ACP5: variants seen among roughly 807,000 people sequenced by gnomAD.
ACP5 encodes tartrate-resistant acid phosphatase type 5.
In ACP5, 24 loss-of-function variants were observed where a neutral mutation model predicts 28.7. The ratio of observed to expected loss-of-function variants is 0.84; its 90% confidence interval spans 0.61 to 1.18. The LOEUF is 1.18. Ranked by LOEUF, ACP5 falls within the 50% of genes most tolerant of loss-of-function variation. The pLI, the probability that ACP5 is intolerant of heterozygous loss-of-function variation, is 0.00. For synonymous variants in ACP5, 154 were observed against 181.4 expected (o/e 0.85, Z 1.21); for missense variants, 354 against 422.2 (o/e 0.84, Z 1.42).
chr19:11,576,917 A>G (rs558569018), intron 2 of ACP5, 74 bp from the exon 3 acceptor site: 107 of 1,612,234 alleles, frequency 6.6e-5, no homozygotes, highest in Non-Finnish European at 8.7e-5. Context: ...AAGTCAGGAT[A>G]AGGGAGACAC....
chr19:11,577,736 G>T, upstream of ACP5: 1 of 295,790 alleles, frequency 3.4e-6, no homozygotes, highest in South Asian at 3.3e-5. This position sits in a 1 kb window ranked among gnomAD's most constrained non-coding sequence, Gnocchi z 5.7. Flanking sequence ...GGGCTGTCCC[G>T]GGAGCCCTCC....
chr19:11,576,857 A>T lies in ACP5; in HGVS notation c.262-14T>A. 6.2e-7 allele frequency: 1 copy of T among 1,613,964 alleles called. No individual in the cohort carries two copies. Among genetic ancestry groups the T allele is most frequent in the Non-Finnish European group, 8.5e-7 (1 of 1,179,964 alleles). On this transcript the variant is annotated splice_polypyrimidine_tract_variant and intron_variant, in intron 2 of 4. Transcript: ENST00000648477. ...CTCAAAGGTCTCCTGTAGCAAACAG[A>T]TAGGGCAGGCCTCTTCCCTGGGGTC...
Position 11,577,115 on chromosome 19 carries a change from G to A in ACP5, c.203C>T (p.Ser68Phe). The change falls in exon 2 of 5, where the codon TCT becomes TTT. Residue 68 changes from serine to phenylalanine, a missense_variant. Physicochemically the swap from Ser to Phe is radical, Grantham distance 155 (BLOSUM62 -2). Coordinates refer to ENST00000648477, the MANE Select transcript of ACP5 (RefSeq NM_001611.5). The surrounding 1 kb of genome is among the most constrained non-coding windows in gnomAD (Gnocchi z 5.7). The stretch of plus-strand genomic sequence containing the variant: ...AGTGAAGTAAAAATTGTCCCCTAGA[G>A]ACAGGATGAAGTCTGCACCCAGGAT... ...VQILGADFILSLGDNFYFTGV... is the reference protein window; with the variant it reads ...VQILGADFILFLGDNFYFTGV... 1 of 1,614,154 alleles carries A rather than the reference G, an allele frequency of 6.2e-7. No homozygotes were observed. The highest frequency in any genetic ancestry group is 8.5e-7 in the Non-Finnish European group (1 of 1,180,028).
chr19:11,576,613 G>C (rs765472713), intron 3 of ACP5, 25 bp from the exon 4 acceptor site: 3 of 1,613,678 alleles, frequency 1.9e-6, no homozygotes, highest in Non-Finnish European at 2.5e-6. Context: ...GAGGTCGTGG[G>C]TGCACATCTT....
At position 11,577,630 on chromosome 19, in the gene ACP5, G is replaced by GGT. The variant is rs1973223880; in HGVS notation, c.-39_-38insAC. The GGT allele has an allele frequency of 4.0e-6, 2 of 502,388 alleles. No individual in the cohort carries two copies. The highest frequency in any genetic ancestry group is 1.9e-5 in the African/African-American group (1 of 51,838). The allele number at this position is 502,388 out of a possible 1,614,324, so 31.1% of individuals were successfully genotyped here. ...ACAGGCCAGTCACCGGAGGCTCTGA[G>GGT]AGGCTGGTGGGCTCTAGAGTAGAAC... On this transcript the variant is annotated 5_prime_UTR_variant, in exon 1 of 5. Coordinates refer to ENST00000648477, the MANE Select transcript of ACP5 (RefSeq NM_001611.5). This position sits in a 1 kb window ranked among gnomAD's most constrained non-coding sequence, Gnocchi z 5.7.
At chr19:11,577,867 A>C, upstream of ACP5, 1 of 216,406 alleles carries the variant, frequency 4.6e-6, no homozygotes, top group South Asian at 7.6e-5. This position sits in a 1 kb window ranked among gnomAD's most constrained non-coding sequence, Gnocchi z 5.7. Flanking sequence ...GTGGACCTGC[A>C]GGGGCCTGTT....
Position 11,577,215 on chromosome 19 carries a change from C to T in ACP5, c.103G>A (p.Gly35Arg). The T allele has an allele frequency of 6.2e-7, 1 of 1,614,190 alleles. No individual in the cohort carries two copies. The highest frequency in any genetic ancestry group is 8.5e-7 in the Non-Finnish European group (1 of 1,180,026). Residue 35 changes from glycine to arginine, a missense_variant, in exon 2 of 5, where the codon GGA becomes AGA. Coordinates refer to ENST00000648477, the MANE Select transcript of ACP5 (RefSeq NM_001611.5). This position sits in a 1 kb window ranked among gnomAD's most constrained non-coding sequence, Gnocchi z 5.7. ...TGGAATGGGGCATTGGGGACCCCTCCCCAGTCACCCACGGCTACAAAGCGC... is the reference window on the plus strand; with the variant it reads ...TGGAATGGGGCATTGGGGACCCCTCTCCAGTCACCCACGGCTACAAAGCGC... ...ALRFVAVGDW[G>R]GVPNAPFHTA...
intron 4 of ACP5, among the ~76,000 whole-genome samples, chr19:11,576,006 C>CAAAA (rs3035420): frequency 6.1e-4 from 32 of 52,886 alleles, no homozygotes; most frequent in African/African-American, 1.7e-3. Flanking sequence ...ACCTTGTCTC[C>CAAAA]AAAAAAAAAA....
chr19:11,576,828 C>G lies in ACP5; in HGVS notation c.277G>C (p.Val93Leu). The change falls in exon 3 of 5, where the codon GTA becomes CTA. Residue 93 changes from valine (V) to leucine (L), a missense_variant. By Grantham distance (32) the Val-to-Leu change is conservative. Transcript: ENST00000648477. ...TTGCGAAGGGAGCGGTCAGAGAATA[C>G]GTCCTCAAAGGTCTCCTGTAGCAAA... ...DKRFQETFED[V>L]FSDRSLRKVP... 6.2e-7 allele frequency: 1 copy of G among 1,614,070 alleles called. No individual in the cohort carries two copies.
chr19:11,576,302 G>T lies in ACP5; in HGVS notation c.676C>A (p.Pro226Thr). 2 of 1,611,110 alleles carry T rather than the reference G, an allele frequency of 1.2e-6. No individual in the cohort carries two copies. The highest frequency in any genetic ancestry group is 8.5e-7 in the Non-Finnish European group (1 of 1,179,948). Reference sequence around the variant, plus strand: ...GTGACCCCGTATGTGGCCAGCAGTGGCCGTAGCTGCTTGACCAGGCAGTGG... The same window carrying T: ...GTGACCCCGTATGTGGCCAGCAGTGTCCGTAGCTGCTTGACCAGGCAGTGG... ...PTHCLVKQLRPLLATYGVTAY... is the reference protein window; with the variant it reads ...PTHCLVKQLRTLLATYGVTAY... The change falls in exon 4 of 5, where the codon CCA (proline) becomes ACA (threonine). Residue 226 changes from proline to threonine, a missense_variant. Physicochemically the swap from Pro to Thr is conservative, Grantham distance 38 (BLOSUM62 -1). Transcript: ENST00000648477.
In ACP5 at chr19:11,574,962, C is replaced by T. The variant is rs766498607; in HGVS notation, c.*48G>A. ...TGAGCAGGGTCCCGGCAGGGCCCAC[C>T]CACCCAACAGTGGAGATCGGGCCTC... On this transcript the variant is annotated 3_prime_UTR_variant, in exon 5 of 5. Transcript: ENST00000648477. The T allele has an allele frequency of 3.1e-6, 5 of 1,612,358 alleles. No homozygotes were observed. In the East Asian group the frequency reaches 8.9e-5, roughly 29 times the overall value.
chr19:11,575,734 G>A (rs534782052), intron 4 of ACP5, among the ~76,000 whole-genome samples: 1 of 151,702 alleles, frequency 6.6e-6, no homozygotes, highest in African/African-American at 2.4e-5. Flanking sequence ...GCCCATGCTT[G>A]TAATCCCAGC....
chr19:11,578,898 A>G (rs1003958403), upstream of ACP5: 1 of 152,176 alleles, frequency 6.6e-6, no homozygotes, highest in Non-Finnish European at 1.5e-5. Context: ...TCCGCAGGCG[A>G]TCGCACTCCT....
rs745457954 is a variant in ACP5, at chr19:11,576,436, G to T, written c.542C>A (p.Ala181Asp). Residue 181 changes from alanine to aspartate, a missense_variant, in exon 4 of 5, where the codon GCC becomes GAC. Transcript: ENST00000648477. The stretch of plus-strand genomic sequence containing the variant: ...CTTGAGCCAGGACAGCTGTGTGCGG[G>T]CCAGCTTCACGTCTCGGGGCCTCTC... ...QPERPRDVKL[A>D]RTQLSWLKKQ... 8 of 1,613,900 alleles carry T rather than the reference G, an allele frequency of 5.0e-6. No homozygotes were observed. Among genetic ancestry groups the T allele is most frequent in the Non-Finnish European group, 6.8e-6 (8 of 1,180,032 alleles).
Position 11,575,233 on chromosome 19 carries a change from C to T in ACP5, c.755G>A (p.Gly252Asp), listed in dbSNP as rs776546224. ...AGCCCCACTCAGCACGTAGCCCACGCCATTCTCATCTTGCAGGTACTGAGG... is the reference window on the plus strand; with the variant it reads ...AGCCCCACTCAGCACGTAGCCCACGTCATTCTCATCTTGCAGGTACTGAGG... Reference protein sequence around the residue: ...HNLQYLQDENGVGYVLSGAGN... With the variant: ...HNLQYLQDENDVGYVLSGAGN... The change falls in exon 5 of 5, where the codon GGC becomes GAC. Residue 252 changes from glycine to aspartate, a missense_variant. Physicochemically the swap from Gly to Asp is moderately conservative, Grantham distance 94. Coordinates refer to ENST00000648477, the MANE Select transcript of ACP5 (RefSeq NM_001611.5). 3.7e-6 allele frequency: 6 copies of T among 1,613,794 alleles called. No individual in the cohort carries two copies. The highest frequency in any genetic ancestry group is 3.3e-5 in the South Asian group (3 of 91,076).
rs1973196099 is a variant in ACP5 at position 11,577,129 on chromosome 19, T to C, written c.189A>G (p.Ala63=). 1 of 1,614,144 alleles carries C rather than the reference T, an allele frequency of 6.2e-7. No homozygotes were observed. Among genetic ancestry groups the C allele is most frequent in the Non-Finnish European group, 8.5e-7 (1 of 1,180,022 alleles). ...TGTCCCCTAGAGACAGGATGAAGTCTGCACCCAGGATCTGCACAGTCCGAG... is the reference window on the plus strand; with the variant it reads ...TGTCCCCTAGAGACAGGATGAAGTCCGCACCCAGGATCTGCACAGTCCGAG... ...EIARTVQILG[A]DFILSLGDNF... The change falls in exon 2 of 5, where the codon GCA becomes GCG. Residue 63 remains alanine, a synonymous_variant. Coordinates refer to ENST00000648477, the MANE Select transcript of ACP5 (RefSeq NM_001611.5). This position sits in a 1 kb window ranked among gnomAD's most constrained non-coding sequence, Gnocchi z 5.7.
chr19:11,576,181 G>A, intron 4 of ACP5, 62 bp downstream of exon 4: 1 of 1,413,036 alleles, frequency 7.1e-7, no homozygotes, highest in South Asian at 1.2e-5. Context: ...CCAGCCATGT[G>A]GACATCAGCT....
At position 11,577,602 on chromosome 19, in the gene ACP5, G is replaced by C. The variant is rs773629343; in HGVS notation, c.-10C>G. ...CCTGCCCAGCACTCACCCAGGGGGA[G>C]ACACAGGCCAGTCACCGGAGGCTCT... On this transcript the variant is annotated 5_prime_UTR_variant, in exon 1 of 5. Coordinates refer to ENST00000648477, the MANE Select transcript of ACP5 (RefSeq NM_001611.5). This position sits in a 1 kb window ranked among gnomAD's most constrained non-coding sequence, Gnocchi z 5.7. The C allele has an allele frequency of 1.5e-5, 8 of 540,970 alleles. No homozygotes were observed. Among genetic ancestry groups the C allele is most frequent in the Non-Finnish European group, 2.7e-5 (8 of 298,994 alleles). The allele number at this position is 540,970 out of a possible 1,614,324, so 33.5% of individuals were successfully genotyped here.
In ACP5 at chr19:11,575,247, C is replaced by T. The variant is rs1325534160; in HGVS notation, c.741G>A (p.Leu247=). Residue 247 remains leucine, a synonymous_variant, in exon 5 of 5, where the codon CTG becomes CTA. Transcript: ENST00000648477. ...LCGHDHNLQY[L]QDENGVGYVL... ...CGTAGCCCACGCCATTCTCATCTTG[C>T]AGGTACTGAGGATGGAGGACAAGGG... is the stretch of plus-strand genomic sequence containing the variant. 6.2e-7 allele frequency: 1 copy of T among 1,613,604 alleles called. No individual in the cohort carries two copies. The highest frequency in any genetic ancestry group is 8.5e-7 in the Non-Finnish European group (1 of 1,180,008).
Sources: allele counts gnomAD v4.1 joint callset (sites outside exome capture counted in the v4.1 genomes callset), GRCh38; gene constraint gnomAD v4.1.1; non-coding constraint Gnocchi (gnomAD v3.1); transcripts MANE v1.5; gene names NCBI Gene and HGNC (gene_info 2026-07-23, HGNC 2026-07-21).